The following HSPA4 variants were observed in gnomAD, a reference collection of about 807,000 sequenced individuals.
The protein encoded by HSPA4 is heat shock protein family A (Hsp70) member 4, also known as heat shock 70 kDa protein 4.
HSPA4 carries 25 observed loss-of-function variants against 106.2 expected under a neutral mutation model. The ratio of observed to expected loss-of-function variants is 0.24; its 90% CI spans 0.17 to 0.33. HSPA4 has a LOEUF of 0.33. HSPA4 is among the 10% of genes least tolerant of loss of function. The pLI is 1.00. For synonymous variants in HSPA4, 332 were observed against 333.6 expected (o/e 1.00, Z 0.05); for missense variants, 841 against 996.0 (o/e 0.84, Z 2.10).
intron 7 of HSPA4, among the ~76,000 whole-genome samples, chr5:133,079,593 T>G (rs1195104931): frequency 6.6e-6 from 1 of 152,172 alleles, no homozygotes; most frequent in African/African-American, 2.4e-5. Flanking sequence ...GCTATGGACA[T>G]TTGTGAACAA....
At chr5:133,095,082 A>AG (rs1484699321) in intron 13 of HSPA4, among the ~76,000 whole-genome samples, 1 of 152,152 alleles carries the variant, frequency 6.6e-6, no homozygotes, top group Non-Finnish European at 1.5e-5. Flanking sequence ...AGGCTGAGGC[A>AG]GCGGATCACC....
At chr5:133,073,913 A>G in intron 5 of HSPA4, 80 bp from the exon 6 acceptor site, 4 of 999,796 alleles carry the variant, frequency 4.0e-6, no homozygotes, top group East Asian at 2.7e-5. Context: ...TTCGTTATAT[A>G]TAAAACCTCT....
Position 133,106,211 on chromosome 5 carries a change from G to A in HSPA4, c.*1775G>A, listed in dbSNP as rs1765861276. On this transcript the variant is annotated 3_prime_UTR_variant, in exon 19 of 19. Transcript: ENST00000304858. ...GGGGGTGAATTTCAAGTTGAAACAC[G>A]ATGATGTGGTCTGCTTGCTCTCTGC... is the stretch of plus-strand genomic sequence containing the variant. The A allele has an allele frequency of 7.6e-6, 1 of 131,960 alleles. No homozygotes were observed. The highest frequency in any genetic ancestry group is 1.6e-5 in the Non-Finnish European group (1 of 64,206). The allele number at this position is 131,960 out of a possible 1,614,324, so 8.2% of individuals were successfully genotyped here. A position where few individuals can be genotyped will look rare whatever the true frequency, so the allele number is the denominator to read the frequency against.
At chr5:133,067,277 A>G in intron 2 of HSPA4, 140 bp from the exon 3 acceptor site, 1 of 666,122 alleles carries the variant, frequency 1.5e-6, no homozygotes, top group Admixed American at 3.0e-5. Context: ...CACCATTTAG[A>G]AAAGTTTAGG....
At chr5:133,100,771 A>G (rs960714918) in intron 16 of HSPA4, among the ~76,000 whole-genome samples, 1 of 152,142 alleles carries the variant, frequency 6.6e-6, no homozygotes, top group East Asian at 1.9e-4. Context: ...TGAACTTTTT[A>G]CATTTCTCTT....
At chr5:133,057,096 G>A (rs992477508) in intron 1 of HSPA4, among the ~76,000 whole-genome samples, 1 of 152,136 alleles carries the variant, frequency 6.6e-6, no homozygotes, top group African/African-American at 2.4e-5. Flanking sequence ...AATTTGCTGT[G>A]TTTTTAGGAA....
Position 133,052,213 on chromosome 5 carries a change from GCCGGAC to G in HSPA4, c.-33_-28del. The G allele has an allele frequency of 7.0e-7, 1 of 1,438,042 alleles. No individual in the cohort carries two copies. The highest frequency in any genetic ancestry group is 1.2e-5 in the South Asian group (1 of 83,010). The allele number at this position is 1,438,042 out of a possible 1,614,324, so 89.1% of individuals were successfully genotyped here. On this transcript the variant is annotated 5_prime_UTR_variant, in exon 1 of 19. Coordinates refer to ENST00000304858, the MANE Select transcript of HSPA4 (RefSeq NM_002154.4). ...CGGGGGTCCGTGTCCTGTCTCGGTG[GCCGGAC>G]CCGGGCCCGAGCCCGAGCAGTAGCC...
At position 133,067,553 on chromosome 5, in the gene HSPA4, T is replaced by A; in HGVS notation, c.302T>A (p.Ile101Lys). 6.2e-7 allele frequency: 1 copy of A among 1,611,888 alleles called. No homozygotes were observed. Among genetic ancestry groups the A allele is most frequent in the Non-Finnish European group, 8.5e-7 (1 of 1,178,978 alleles). Residue 101 changes from isoleucine (I) to lysine (K), a missense_variant, in exon 3 of 19, where the codon ATA becomes AAA. Transcript: ENST00000304858. ...IVQLPTGLTGIKVTYMEEERN... is the reference protein window; with the variant it reads ...IVQLPTGLTGKKVTYMEEERN... The stretch of plus-strand genomic sequence containing the variant: ...CAGTTGCCTACAGGATTAACAGGTA[T>A]AAAGGTAAGGTTGTCAGGTTAATGC...
chr5:133,075,263 A>G (rs1005409228), intron 6 of HSPA4, among the ~76,000 whole-genome samples: 2 of 152,178 alleles, frequency 1.3e-5, no homozygotes, highest in Admixed American at 1.3e-4. Flanking sequence ...AACTTTAATC[A>G]CTAATAGAAT....
rs770082540 is a variant in HSPA4 at position 133,105,350 on chromosome 5, A to G, written c.*914A>G. 15 of 152,192 alleles carry G rather than the reference A, an allele frequency of 9.9e-5. No homozygotes were observed. Among genetic ancestry groups the G allele is most frequent in the East Asian group, 1.9e-4 (1 of 5,200 alleles). The allele number at this position is 152,192 out of a possible 1,614,324, so 9.4% of individuals were successfully genotyped here. On this transcript the variant is annotated 3_prime_UTR_variant, in exon 19 of 19. Transcript: ENST00000304858. ...AAAAGTTCTTTTTAGCTCATTCACAATCACTTGTGTGTTAAGTGTTAATAT... is the reference window on the plus strand; with the variant it reads ...AAAAGTTCTTTTTAGCTCATTCACAGTCACTTGTGTGTTAAGTGTTAATAT...
At chr5:133,075,255 C>A (rs1379453356) in intron 6 of HSPA4, among the ~76,000 whole-genome samples, 2 of 152,100 alleles carry the variant, frequency 1.3e-5, no homozygotes, top group African/African-American at 2.4e-5. Context: ...AGTGTTTAAA[C>A]TTTAATCACT....
At chr5:133,095,418 A>G (rs578260404) in intron 13 of HSPA4, among the ~76,000 whole-genome samples, 1 of 152,328 alleles carries the variant, frequency 6.6e-6, no homozygotes, top group Admixed American at 6.5e-5. Flanking sequence ...ATAGTTACAT[A>G]TGGCTTGTAA....
At chr5:133,068,299 T>C (rs1007873521) in intron 3 of HSPA4, among the ~76,000 whole-genome samples, 4 of 152,164 alleles carry the variant, frequency 2.6e-5, no homozygotes, top group Admixed American at 2.6e-4. Context: ...GGTCTTTATC[T>C]CTGGTACATC....
chr5:133,068,085 G>C (rs1005815985), intron 3 of HSPA4, among the ~76,000 whole-genome samples: 22 of 151,940 alleles, frequency 1.4e-4, no homozygotes, highest in African/African-American at 5.1e-4. Context: ...GTAGAGACGG[G>C]GTTTCACTGT....
In HSPA4 at chr5:133,091,396, A is replaced by C. The variant is rs758277537; in HGVS notation, c.1560+22A>C. On this transcript the variant is annotated intron_variant, in intron 12 of 18. Coordinates refer to ENST00000304858, the MANE Select transcript of HSPA4 (RefSeq NM_002154.4). ...AGAGGTAATCTAGACATTGTATACCACTTGTGATGGCCCAGAGGTGACTTG... is the reference window on the plus strand; with the variant it reads ...AGAGGTAATCTAGACATTGTATACCCCTTGTGATGGCCCAGAGGTGACTTG... The C allele has an allele frequency of 1.9e-6, 3 of 1,577,082 alleles. No homozygotes were observed. The South Asian group carries it at 3.4e-5, about 18-fold the overall frequency.
At chr5:133,064,356 A>G (rs537877248) in intron 1 of HSPA4, among the ~76,000 whole-genome samples, 1 of 152,296 alleles carries the variant, frequency 6.6e-6, no homozygotes, top group South Asian at 2.1e-4. Flanking sequence ...AAATACAAAA[A>G]TTAGCTGGGC....
At chr5:133,095,366 T>C (rs1055501512) in intron 13 of HSPA4, among the ~76,000 whole-genome samples, 4 of 152,178 alleles carry the variant, frequency 2.6e-5, no homozygotes, top group African/African-American at 7.2e-5. Flanking sequence ...ACTGCAATCC[T>C]AAGAGAAGAG....
chr5:133,052,467 C>T (rs1281169748), intron 1 of HSPA4, 110 bp downstream of exon 1: 1 of 723,254 alleles, frequency 1.4e-6, no homozygotes, highest in Non-Finnish European at 2.2e-6. Flanking sequence ...GCCTCCGTTC[C>T]GAGCCGAGGT....
At chr5:133,102,544 C>T (rs182737168) in intron 17 of HSPA4, among the ~76,000 whole-genome samples, 12 of 152,238 alleles carry the variant, frequency 7.9e-5, no homozygotes, top group Non-Finnish European at 1.8e-4. Context: ...TAAATTCCAA[C>T]TTATTGAAGC....
Sources: gnomAD v4.1 joint callset for allele counts (sites outside exome capture counted in the v4.1 genomes callset) on GRCh38, gnomAD v4.1.1 for gene constraint, MANE v1.5 for transcripts, NCBI Gene and HGNC (gene_info 2026-07-23, HGNC 2026-07-21) for gene names.